The following PALB2 variants were observed in gnomAD, a reference collection of about 807,000 sequenced individuals.
The protein encoded by PALB2 is mutant partner and localizer of BRCA2.
PALB2 carries 82 observed loss-of-function variants against 107.4 expected under a neutral mutation model. The ratio of observed to expected loss-of-function variants is 0.76; its 90% CI spans 0.64 to 0.92. PALB2 has a LOEUF of 0.92. Ranked by LOEUF, PALB2 falls within the 40% of genes least tolerant of loss-of-function variation. PALB2 has a pLI of 0.00. For missense variants in PALB2, 1,374 were observed against 1,379.9 expected, an observed-to-expected ratio of 1.00 and a Z score of 0.07; for synonymous variants, 489 against 496.8, an observed-to-expected ratio of 0.98 and a Z score of 0.21.
rs2142374327 is a variant in PALB2 at position 23,629,773 on chromosome 16, C to T, written c.2381G>A (p.Arg794Lys). ...KPHTTLQVSG[R>K]QGQPTCDCDS... ...ACAGTCACAGGTAGGTTGTCCTTGCCTGCCTGACACTTGCAGGGTGGTATG... is the reference window on the plus strand; with the variant it reads ...ACAGTCACAGGTAGGTTGTCCTTGCTTGCCTGACACTTGCAGGGTGGTATG... Residue 794 changes from arginine (R) to lysine (K), a missense_variant, in exon 5 of 13, where the codon AGG becomes AAG. Transcript: ENST00000261584. 6.2e-7 allele frequency: 1 copy of T among 1,614,198 alleles called. No homozygotes were observed. The highest frequency in any genetic ancestry group is 8.5e-7 in the Non-Finnish European group (1 of 1,180,038).
In PALB2 at chr16:23,628,075, T is replaced by G. The variant is rs1422411974; in HGVS notation, c.2586+1129A>C. On this transcript the variant is annotated intron_variant, in intron 6 of 12. Coordinates refer to ENST00000261584, the MANE Select transcript of PALB2 (RefSeq NM_024675.4). ...CCCATTTCTACTAAAAATACAAAAA[T>G]TAGCAAGGCGTGGTGGCGCACACTT... Among the ~76,000 whole-genome samples, 4 of 152,062 alleles carry G rather than the reference T, an allele frequency of 2.6e-5. No homozygotes were observed. The East Asian group carries it at 7.7e-4, about 29-fold the overall frequency.
In PALB2 at chr16:23,630,206, C is replaced by T. The variant is rs1597090662; in HGVS notation, c.1948G>A (p.Glu650Lys). 2 of 1,614,134 alleles carry T rather than the reference C, an allele frequency of 1.2e-6. No homozygotes were observed. The highest frequency in any genetic ancestry group is 2.2e-5 in the East Asian group (1 of 44,894). ...TCCTCTGGAAAAATACAGCTTCCCT[C>T]TTTAAGATGTCTCTCTCCAAACATT... ...SKMFGERHLK[E>K]GSCIFPEELS... Residue 650 changes from glutamate (E) to lysine (K), a missense_variant, in exon 5 of 13, where the codon GAG (glutamate) becomes AAG (lysine). Transcript: ENST00000261584.
chr16:23,625,598 C>T (rs955379974), intron 7 of PALB2, among the ~76,000 whole-genome samples: 2 of 152,036 alleles, frequency 1.3e-5, no homozygotes, highest in Admixed American at 1.3e-4. Context: ...AGTTCAAGAA[C>T]AGCCTGGGCA....
chr16:23,634,639 T>TTTTTTTTATTTA (rs768707007), intron 4 of PALB2, among the ~76,000 whole-genome samples: 2 of 146,896 alleles, frequency 1.4e-5, no homozygotes, highest in East Asian at 2.0e-4. Context: ...GTCTCTTTAT[T>TTTTTTTTATTTA]TTTATTTATT....
In PALB2 at chr16:23,614,645, CTTTTTTTTTTT is replaced by C. The variant is rs1050495053; in HGVS notation, c.3114-565_3114-555del. ...AAAGTTTGTTGGAATCACTTCCCAG[CTTTTTTTTTTT>C]TTTTTTTTTTTTGAGACGGAGTCTC... On this transcript the variant is annotated intron_variant, in intron 10 of 12. Transcript: ENST00000261584. Among the ~76,000 whole-genome samples the C allele has an allele frequency of 6.5e-5, 7 of 107,158 alleles. No homozygotes were observed. In the East Asian group the frequency reaches 1.9e-3, roughly 29 times the overall value. 70.3% of individuals were successfully genotyped at this position (107,158 alleles called of 152,430 possible). A position where few individuals can be genotyped will look rare whatever the true frequency, so the allele number is the denominator to read the frequency against.
chr16:23,603,487 C>G lies in PALB2; in HGVS notation c.3533G>C (p.Gly1178Ala), dbSNP rs1966395601. The part of the protein sequence containing the change: ...DSHLLAGQKD[G>A]NIFVYHYS ...TGAATAGTGGTATACAAATATATTT[C>G]CATCTTTTTGTCCAGCCAGCAAATG... The change falls in exon 13 of 13, where the codon GGA (glycine) becomes GCA (alanine). Residue 1178 changes from glycine to alanine, a missense_variant. Physicochemically the swap from Gly to Ala is moderately conservative, Grantham distance 60. Coordinates refer to ENST00000261584, the MANE Select transcript of PALB2 (RefSeq NM_024675.4). 1 of 1,613,602 alleles carries G rather than the reference C, an allele frequency of 6.2e-7. No homozygotes were observed. Among genetic ancestry groups the G allele is most frequent in the East Asian group, 2.2e-5 (1 of 44,886 alleles).
rs886617543 is a variant in PALB2, at chr16:23,611,035, G to A, written c.3201+2969C>T. Among the ~76,000 whole-genome samples, 3 of 151,612 alleles carry A rather than the reference G, an allele frequency of 2.0e-5. No individual in the cohort carries two copies. In the South Asian group the frequency reaches 6.2e-4, roughly 32 times the overall value. ...GCCTGGGTGACAGAGCAAGAATCTT[G>A]TCTCAAAAAAAAAGTAAATTCTAGA... On this transcript the variant is annotated intron_variant, in intron 11 of 12. Transcript: ENST00000261584.
chr16:23,632,621 G>A (rs781141116), intron 4 of PALB2, among the ~76,000 whole-genome samples: 1 of 152,166 alleles, frequency 6.6e-6, no homozygotes, highest in Non-Finnish European at 1.5e-5. Context: ...TGCTTAATGG[G>A]TATGGGGTTT....
chr16:23,624,057 T>A lies in PALB2; in HGVS notation c.2786A>T (p.Tyr929Phe), dbSNP rs1249404804. The A allele has an allele frequency of 1.9e-6, 3 of 1,608,286 alleles. No individual in the cohort carries two copies. Among genetic ancestry groups the A allele is most frequent in the African/African-American group, 1.3e-5 (1 of 74,762 alleles). Residue 929 changes from tyrosine (Y) to phenylalanine (F), a missense_variant, in exon 8 of 13, where the codon TAT becomes TTT. Coordinates refer to ENST00000261584, the MANE Select transcript of PALB2 (RefSeq NM_024675.4). Reference protein sequence around the residue: ...VLQIVPVPDVYNLVCVALGNL... With the variant: ...VLQIVPVPDVFNLVCVALGNL... ...TCCCAAAGCTACACACACGAGATTA[T>A]ACACATCAGGCACTGGAACTATCTG...
chr16:23,626,252 G>T lies in PALB2; in HGVS notation c.2732C>A (p.Thr911Asn), dbSNP rs180177123. 3 of 1,613,998 alleles carry T rather than the reference G, an allele frequency of 1.9e-6. No homozygotes were observed. The African/African-American group carries it at 4.0e-5, about 22-fold the overall frequency. The change falls in exon 7 of 13, where the codon ACC becomes AAC. Residue 911 changes from threonine (T) to asparagine (N), a missense_variant. Thr to Asn is a moderately conservative substitution (Grantham distance 65). Transcript: ENST00000261584. ...CCCACTTACCTCTGCGAAGTGCCAG[G>T]TATAAAGTTTTTCCCACTGCCAAGC... ...LDAWQWEKLY[T>N]WHFAEVPVLQ...
chr16:23,605,546 T>A, intron 12 of PALB2, among the ~76,000 whole-genome samples: 1 of 152,158 alleles, frequency 6.6e-6, no homozygotes, highest in Non-Finnish European at 1.5e-5. Flanking sequence ...ATAGCTGGGA[T>A]TACTGGTGCA....
chr16:23,641,135 G>A lies in PALB2; in HGVS notation c.23C>T (p.Pro8Leu), dbSNP rs150390726. Residue 8 changes from proline (P) to leucine (L), a missense_variant, in exon 1 of 13, where the codon CCC becomes CTC. Coordinates refer to ENST00000261584, the MANE Select transcript of PALB2 (RefSeq NM_024675.4). ...CTTTTCCTTCTCCTCACAGCTGAGGGGCTTCCCGGGAGGCTCGTCCATCGG... is the reference window on the plus strand; with the variant it reads ...CTTTTCCTTCTCCTCACAGCTGAGGAGCTTCCCGGGAGGCTCGTCCATCGG... MDEPPGK[P>L]LSCEEKEKLK... The A allele has an allele frequency of 9.4e-5, 151 of 1,613,342 alleles. 1 individual carries two copies. The African/African-American group carries it at 1.6e-3, about 17-fold the overall frequency.
At chr16:23,619,664 T>C (rs1431829236) in intron 10 of PALB2, among the ~76,000 whole-genome samples, 2 of 152,192 alleles carry the variant, frequency 1.3e-5, no homozygotes, top group African/African-American at 4.8e-5. Context: ...CAAACACTGA[T>C]GTTTTTTCTT....
At chr16:23,639,865 C>T (rs139670807) in intron 1 of PALB2, among the ~76,000 whole-genome samples, 1 of 152,184 alleles carries the variant, frequency 6.6e-6, no homozygotes, top group African/African-American at 2.4e-5. Context: ...TGCTACTAGA[C>T]AAGTTGCCAA....
rs1966854220 is a variant in PALB2, at chr16:23,629,294, C to T, written c.2515-19G>A. On this transcript the variant is annotated intron_variant, in intron 5 of 12. Transcript: ENST00000261584. ...TTTCAGTCTGTGAAAACAAAAGTCACATCATTAGTCTACACTTTATGTATA... is the reference window on the plus strand; with the variant it reads ...TTTCAGTCTGTGAAAACAAAAGTCATATCATTAGTCTACACTTTATGTATA... The T allele has an allele frequency of 6.2e-7, 1 of 1,602,200 alleles. No homozygotes were observed. Among genetic ancestry groups the T allele is most frequent in the South Asian group, 1.1e-5 (1 of 90,872 alleles).
chr16:23,628,991 T>C (rs950801858), intron 6 of PALB2, among the ~76,000 whole-genome samples: 2 of 152,124 alleles, frequency 1.3e-5, no homozygotes, highest in African/African-American at 4.8e-5. Flanking sequence ...TTCTTGCCAA[T>C]AGGTTGGCAT....
chr16:23,617,174 AG>A (rs1381081377), intron 10 of PALB2, among the ~76,000 whole-genome samples: 1 of 152,162 alleles, frequency 6.6e-6, no homozygotes, highest in Admixed American at 6.6e-5. Context: ...TTGACACTTG[AG>A]TATAACATGA....
chr16:23,620,136 C>T (rs77445185), intron 10 of PALB2, among the ~76,000 whole-genome samples: 5,050 of 152,194 alleles, frequency 0.033, 120 homozygotes, highest in Middle Eastern at 0.088. Context: ...CTTGGCTGAA[C>T]TTGAACTCCA....
intron 4 of PALB2, 69 bp from the exon 5 acceptor site, chr16:23,630,538 G>A (rs1966868576): frequency 8.1e-7 from 1 of 1,231,688 alleles, no homozygotes; most frequent in African/African-American, 1.5e-5. Context: ...TTTCACTGAT[G>A]ACAAAGAGAA....
Sources: gnomAD v4.1 joint callset for allele counts (sites outside exome capture counted in the v4.1 genomes callset) on GRCh38, gnomAD v4.1.1 for gene constraint, MANE v1.5 for transcripts, NCBI Gene and HGNC (gene_info 2026-07-23, HGNC 2026-07-21) for gene names.